The following ZC3H13 variants were observed in gnomAD, a reference collection of about 807,000 sequenced individuals.
ZC3H13 encodes the protein zinc finger CCCH domain-containing protein 13.
ZC3H13 carries 64 observed loss-of-function variants against 204.1 expected under a neutral mutation model. That is an observed-to-expected ratio of 0.31 (90% CI 0.26 to 0.39). ZC3H13 has a LOEUF of 0.39. ZC3H13 is among the 10% of genes least tolerant of loss of function. The pLI, the probability that ZC3H13 is intolerant of heterozygous loss-of-function variation, is 1.00. For missense variants in ZC3H13, 1,833 were observed against 2,082.7 expected (o/e 0.88, Z 2.33); for synonymous variants, 667 against 693.7 (o/e 0.96, Z 0.60).
chr13:46,021,847 A>C (rs2042236951), intron 4 of ZC3H13, among the ~76,000 whole-genome samples: 1 of 151,962 alleles, frequency 6.6e-6, no homozygotes, highest in Non-Finnish European at 1.5e-5. Context: ...ACTATCCTAC[A>C]TCCCAAACAA....
chr13:45,966,872 C>G (rs186927086), intron 15 of ZC3H13, among the ~76,000 whole-genome samples: 5 of 151,946 alleles, frequency 3.3e-5, no homozygotes, highest in Admixed American at 2.0e-4. Context: ...TGAGTGGGTA[C>G]AAAGAAGGGC....
At chr13:46,046,699 T>C (rs1364874897) in intron 1 of ZC3H13, among the ~76,000 whole-genome samples, 2 of 151,750 alleles carry the variant, frequency 1.3e-5, no homozygotes, top group Non-Finnish European at 2.9e-5. Flanking sequence ...TCTATATATA[T>C]ATATGTATGT....
At position 45,954,807 on chromosome 13, in the gene ZC3H13, G is replaced by A. The variant is rs1951200712; in HGVS notation, c.*2320C>T. ...TGTAGTCATAGGCTAGGATGGTGACGACAATCTGCAATTACTGGTCAGAGT... is the reference window on the plus strand; with the variant it reads ...TGTAGTCATAGGCTAGGATGGTGACAACAATCTGCAATTACTGGTCAGAGT... On this transcript the variant is annotated 3_prime_UTR_variant, in exon 19 of 19. Transcript: ENST00000679008. 1 of 152,206 alleles carries A rather than the reference G, an allele frequency of 6.6e-6. No individual in the cohort carries two copies. The highest frequency in any genetic ancestry group is 1.5e-5 in the Non-Finnish European group (1 of 68,038). 9.4% of individuals were successfully genotyped at this position (152,206 alleles called of 1,614,324 possible). A position where few individuals can be genotyped will look rare whatever the true frequency, so the allele number is the denominator to read the frequency against.
intron 1 of ZC3H13, among the ~76,000 whole-genome samples, chr13:46,047,834 A>C (rs1035306948): frequency 1.3e-5 from 2 of 152,202 alleles, no homozygotes; most frequent in Admixed American, 1.3e-4. Context: ...TTTCTTAATA[A>C]ACAAAATTGA....
chr13:45,995,532 T>C (rs1371069254), intron 8 of ZC3H13, among the ~76,000 whole-genome samples: 1 of 152,192 alleles, frequency 6.6e-6, no homozygotes, highest in Non-Finnish European at 1.5e-5. Flanking sequence ...TTGGCTATAT[T>C]ACAAACCCCA....
At chr13:46,036,298 T>C (rs2043206418) in intron 4 of ZC3H13, among the ~76,000 whole-genome samples, 2 of 152,238 alleles carry the variant, frequency 1.3e-5, no homozygotes, top group Non-Finnish European at 2.9e-5. Flanking sequence ...AAATACATTT[T>C]CAATTCAGTA....
In ZC3H13 at chr13:45,985,512, C is replaced by G; in HGVS notation, c.1505G>C (p.Arg502Pro). The change falls in exon 10 of 19, where the codon CGT becomes CCT. Residue 502 changes from arginine to proline, a missense_variant. This residue lies in a region of ZC3H13 where 1,574 missense variants were observed against 1,757.2 expected (regional missense o/e 0.90). Coordinates refer to ENST00000679008, the MANE Select transcript of ZC3H13 (RefSeq NM_001330564.2). ...SRDPRDSRSTRDAHDYRDREG... is the reference protein window; with the variant it reads ...SRDPRDSRSTPDAHDYRDREG... ...ACGGTCCCTGTAGTCATGGGCATCA[C>G]GAGTGGACCGAGAATCTCTGGGATC... 6.2e-7 allele frequency: 1 copy of G among 1,614,188 alleles called. No individual in the cohort carries two copies. The highest frequency in any genetic ancestry group is 8.5e-7 in the Non-Finnish European group (1 of 1,180,032).
intron 1 of ZC3H13, 78 bp from the exon 2 acceptor site, chr13:46,045,594 T>C (rs949339702): frequency 1.0e-6 from 1 of 956,384 alleles, no homozygotes; most frequent in Non-Finnish European, 1.7e-6. Flanking sequence ...TACAAGTAGA[T>C]AAAACTATAG....
At position 45,977,237 on chromosome 13, in the gene ZC3H13, T is replaced by A. The variant is rs561518494; in HGVS notation, c.1913-1399A>T. Among the ~76,000 whole-genome samples the A allele has an allele frequency of 1.1e-4, 17 of 152,306 alleles. No homozygotes were observed. The East Asian group carries it at 3.1e-3, about 28-fold the overall frequency. ...GGATTCCTAGAATGCTATCTACCCA[T>A]CTTTTGTATTGTCTGAATTCCTGGT... On this transcript the variant is annotated intron_variant, in intron 11 of 18. Transcript: ENST00000679008.
At chr13:45,982,599 T>C (rs1953742962) in intron 10 of ZC3H13, among the ~76,000 whole-genome samples, 1 of 151,902 alleles carries the variant, frequency 6.6e-6, no homozygotes, top group African/African-American at 2.4e-5. Flanking sequence ...TCAAGAAAAA[T>C]ACAGGCTGAA....
rs552313436 is a variant in ZC3H13 at position 46,052,617 on chromosome 13, T to G, written c.-223A>C. 2.5e-6 allele frequency: 1 copy of G among 398,698 alleles called. No individual in the cohort carries two copies. The highest frequency in any genetic ancestry group is 4.4e-6 in the Non-Finnish European group (1 of 226,190). The allele number at this position is 398,698 out of a possible 1,614,324, so 24.7% of individuals were successfully genotyped here. A position where few individuals can be genotyped will look rare whatever the true frequency, so the allele number is the denominator to read the frequency against. On this transcript the variant is annotated 5_prime_UTR_variant, in exon 1 of 19. Transcript: ENST00000679008. ...GCAGAACCAACCCGCCCGCCGCCTC[T>G]CCAGGGTCAAGCGAAACTGGGTCGC...
chr13:45,956,959 G>A lies in ZC3H13; in HGVS notation c.*168C>T. Reference sequence around the variant, plus strand: ...TGTAAAAATTAACGTAAAATCTTAAGTTGGCCAAAACTAGTGTCTCTAAAG... The same window carrying A: ...TGTAAAAATTAACGTAAAATCTTAAATTGGCCAAAACTAGTGTCTCTAAAG... On this transcript the variant is annotated 3_prime_UTR_variant, in exon 19 of 19. Coordinates refer to ENST00000679008, the MANE Select transcript of ZC3H13 (RefSeq NM_001330564.2). The A allele has an allele frequency of 1.9e-6, 1 of 528,106 alleles. No individual in the cohort carries two copies. The highest frequency in any genetic ancestry group is 3.5e-5 in the East Asian group (1 of 28,438). The allele number at this position is 528,106 out of a possible 1,614,324, so 32.7% of individuals were successfully genotyped here. A position where few individuals can be genotyped will look rare whatever the true frequency, so the allele number is the denominator to read the frequency against.
chr13:45,981,924 C>T (rs1045683253), intron 10 of ZC3H13, among the ~76,000 whole-genome samples: 6 of 150,630 alleles, frequency 4.0e-5, no homozygotes, highest in South Asian at 2.1e-4. Context: ...TGCTAAATGA[C>T]GAGTTAATGG....
At chr13:46,046,667 C>A (rs1415685859) in intron 1 of ZC3H13, among the ~76,000 whole-genome samples, 2 of 150,144 alleles carry the variant, frequency 1.3e-5, no homozygotes, top group African/African-American at 2.5e-5. Flanking sequence ...GACTCCATCT[C>A]AAAAAAAACA....
intron 7 of ZC3H13, among the ~76,000 whole-genome samples, chr13:46,007,760 A>T (rs927689369): frequency 5.9e-5 from 9 of 152,222 alleles, no homozygotes; most frequent in African/African-American, 2.2e-4. Context: ...CACAGAGCCT[A>T]CTTCAGACTT....
chr13:45,967,656 C>G lies in ZC3H13; in HGVS notation c.4169G>C (p.Cys1390Ser), dbSNP rs1351112523. 2 of 1,614,120 alleles carry G rather than the reference C, an allele frequency of 1.2e-6. No individual in the cohort carries two copies. The highest frequency in any genetic ancestry group is 3.3e-5 in the Admixed American group (2 of 60,024). ...ESSQIESVKR[C>S]EAKLEGEHER... ...ATGTTCACCTTCCAGTTTTGCTTCA[C>G]AGCGTTTCACAGACTCTATTTGAGA... The change falls in exon 15 of 19, where the codon TGT (cysteine) becomes TCT (serine). Residue 1390 changes from cysteine (C) to serine (S), a missense_variant. Coordinates refer to ENST00000679008, the MANE Select transcript of ZC3H13 (RefSeq NM_001330564.2).
chr13:45,999,963 CAG>C (rs1269315341), intron 8 of ZC3H13, among the ~76,000 whole-genome samples: 1 of 152,188 alleles, frequency 6.6e-6, no homozygotes, highest in Non-Finnish European at 1.5e-5. Flanking sequence ...CATAAACAAA[CAG>C]TAGTATTTTG....
Position 45,958,610 on chromosome 13 carries a change from C to T in ZC3H13, c.4839+873G>A, listed in dbSNP as rs1345239851. Among the ~76,000 whole-genome samples, 5 of 151,576 alleles carry T rather than the reference C, an allele frequency of 3.3e-5. No individual in the cohort carries two copies. In the East Asian group the frequency reaches 9.7e-4, roughly 29 times the overall value. ...ATTAGGAATACTCAGTCTGTACTAC[C>T]TATACCCATCCACTCACCACCCCAA... On this transcript the variant is annotated intron_variant, in intron 18 of 18. Coordinates refer to ENST00000679008, the MANE Select transcript of ZC3H13 (RefSeq NM_001330564.2).
chr13:46,041,539 C>A (rs955001116), intron 4 of ZC3H13, among the ~76,000 whole-genome samples: 1 of 152,068 alleles, frequency 6.6e-6, no homozygotes, highest in Non-Finnish European at 1.5e-5. Context: ...GAGGCGTACA[C>A]TTTTAATGAG....
Sources: allele counts gnomAD v4.1 joint callset (sites outside exome capture counted in the v4.1 genomes callset), GRCh38; gene constraint gnomAD v4.1.1; regional missense constraint gnomAD v4.1.1; transcripts MANE v1.5; gene names NCBI Gene and HGNC (gene_info 2026-07-23, HGNC 2026-07-21).